Variants in PCDH7 observed in about 807,000 individuals in gnomAD.
The protein encoded by PCDH7 is protocadherin 7, also known as protocadherin-7.
In PCDH7, 17 loss-of-function variants were observed where a neutral mutation model predicts 58.9. The observed-to-expected ratio is 0.29, with a 90% confidence interval of 0.20 to 0.43. The LOEUF is 0.43. PCDH7 is among the 20% of genes least tolerant of loss of function. The pLI, the probability that PCDH7 is intolerant of heterozygous loss-of-function variation, is 1.00. For synonymous variants in PCDH7, 664 were observed against 616.4 expected, an observed-to-expected ratio of 1.08 and a Z score of -1.14; for missense variants, 1,274 against 1,441.0, an observed-to-expected ratio of 0.88 and a Z score of 1.88.
At chr4:30,965,638 C>G (rs914757694) in intron 3 of PCDH7, among the ~76,000 whole-genome samples, 1 of 151,932 alleles carries the variant, frequency 6.6e-6, no homozygotes, top group African/African-American at 2.4e-5. Context: ...GTTGAATCTT[C>G]CAGTGCAAAT....
rs548387653 is a variant in PCDH7 at position 30,759,352 on chromosome 4, T to A, written c.70+34756T>A. On this transcript the variant is annotated intron_variant, in intron 1 of 3. Coordinates refer to the PCDH7 transcript ENST00000509759. ...TCTGTCCGAATTTCTTGTTGCAATT[T>A]CATAGTTACTTTGAGCTCTACACTT... Among the ~76,000 whole-genome samples, 3 of 151,804 alleles carry A rather than the reference T, an allele frequency of 2.0e-5. No homozygotes were observed. The South Asian group carries it at 6.3e-4, about 32-fold the overall frequency.
chr4:30,753,293 A>G (rs906616260), intron 1 of PCDH7, among the ~76,000 whole-genome samples: 6 of 152,284 alleles, frequency 3.9e-5, no homozygotes, highest in Middle Eastern at 3.4e-3. Flanking sequence ...AACCTTTACT[A>G]CTTTCTCTGT....
intron 3 of PCDH7, among the ~76,000 whole-genome samples, chr4:31,072,432 G>A (rs1344962642): frequency 6.6e-6 from 1 of 152,056 alleles, no homozygotes; most frequent in African/African-American, 2.4e-5. Flanking sequence ...CAAACATAAT[G>A]TGGAAAGAGA....
intron 1 of PCDH7, among the ~76,000 whole-genome samples, chr4:30,783,844 AG>A (rs2109291806): frequency 6.6e-6 from 1 of 152,274 alleles, no homozygotes; most frequent in East Asian, 1.9e-4. Context: ...AGCTTAATTT[AG>A]CCTCTGGGGT....
At chr4:30,772,683 C>T (rs1371423200) in intron 1 of PCDH7, among the ~76,000 whole-genome samples, 2 of 152,140 alleles carry the variant, frequency 1.3e-5, no homozygotes, top group African/African-American at 4.8e-5. Flanking sequence ...TCTCAAGGAG[C>T]TATGGATAGG....
intron 3 of PCDH7, among the ~76,000 whole-genome samples, chr4:31,024,890 G>A (rs12511624): frequency 0.1 from 15,773 of 151,982 alleles, 2,185 homozygotes; most frequent in African/African-American, 0.32. Context: ...CTACAGGCAC[G>A]CACCACCATG....
intron 3 of PCDH7, among the ~76,000 whole-genome samples, chr4:30,971,697 G>C (rs1749603819): frequency 6.6e-6 from 1 of 152,138 alleles, no homozygotes; most frequent in Non-Finnish European, 1.5e-5. Context: ...TTTGAGGATG[G>C]ACTAGAAGTA....
At chr4:30,870,487 A>T (rs1223711620) in intron 1 of PCDH7, among the ~76,000 whole-genome samples, 1 of 152,168 alleles carries the variant, frequency 6.6e-6, no homozygotes, top group Non-Finnish European at 1.5e-5. Flanking sequence ...AAAGAAGTTT[A>T]AAACTAGAAT....
chr4:31,097,042 T>C (rs1216047318), intron 3 of PCDH7, among the ~76,000 whole-genome samples: 1 of 152,086 alleles, frequency 6.6e-6, no homozygotes, highest in East Asian at 1.9e-4. Context: ...TATATCACTA[T>C]TATGTAATTT....
At chr4:30,819,209 A>C (rs578068950) in intron 1 of PCDH7, among the ~76,000 whole-genome samples, 25 of 152,272 alleles carry the variant, frequency 1.6e-4, no homozygotes, top group Non-Finnish European at 3.4e-4. Flanking sequence ...CAGTGTAAAC[A>C]GTGTCTTTTA....
chr4:30,780,156 G>A (rs533470560), intron 1 of PCDH7, among the ~76,000 whole-genome samples: 278 of 152,268 alleles, frequency 1.8e-3, no homozygotes, highest in Non-Finnish European at 2.5e-3. Context: ...TAGTGGTATG[G>A]TCTATTTGTA....
chr4:30,848,921 C>T (rs1732349599), intron 1 of PCDH7, among the ~76,000 whole-genome samples: 1 of 152,022 alleles, frequency 6.6e-6, no homozygotes, highest in Non-Finnish European at 1.5e-5. Flanking sequence ...ATTCTTATTA[C>T]TAATTATAAA....
At chr4:31,108,260 G>C (rs533404021) in intron 3 of PCDH7, among the ~76,000 whole-genome samples, 2 of 150,226 alleles carry the variant, frequency 1.3e-5, no homozygotes, top group African/African-American at 4.9e-5. Flanking sequence ...GTGTAATAAA[G>C]ACCACTGAAA....
chr4:30,914,069 A>G (rs1426016539), intron 1 of PCDH7, among the ~76,000 whole-genome samples: 2 of 152,186 alleles, frequency 1.3e-5, no homozygotes, highest in African/African-American at 4.8e-5. Flanking sequence ...ACAGCAGAAG[A>G]GCAAGCATGG....
intron 1 of PCDH7, among the ~76,000 whole-genome samples, chr4:30,855,652 C>G (rs557467513): frequency 6.6e-6 from 1 of 152,236 alleles, no homozygotes; most frequent in South Asian, 2.1e-4. Context: ...AGAGGATGAT[C>G]TTTTGCTCTG....
intron 1 of PCDH7, chr4:30,725,232 C>A (rs370886468): frequency 2.7e-5 from 27 of 986,972 alleles, no homozygotes; most frequent in Non-Finnish European, 3.2e-5. Context: ...ATAATCGATA[C>A]CTATAACAAT....
At chr4:30,752,663 G>A (rs1359492582) in intron 1 of PCDH7, among the ~76,000 whole-genome samples, 1 of 128,760 alleles carries the variant, frequency 7.8e-6, no homozygotes, top group African/African-American at 2.9e-5. Context: ...TTTATAAATT[G>A]TTTTCTTTCA....
intron 2 of PCDH7, among the ~76,000 whole-genome samples, chr4:30,937,374 A>G (rs1360110634): frequency 1.3e-5 from 2 of 152,210 alleles, no homozygotes; most frequent in Non-Finnish European, 2.9e-5. Context: ...TTTTTATAAT[A>G]TGTGATTCAA....
chr4:31,072,268 T>C (rs1339342589), intron 3 of PCDH7, among the ~76,000 whole-genome samples: 1 of 152,136 alleles, frequency 6.6e-6, no homozygotes, highest in East Asian at 1.9e-4. Context: ...AGTCATTCTG[T>C]TGAGCACTGC....
Sources: allele counts gnomAD v4.1 joint callset (sites outside exome capture counted in the v4.1 genomes callset), GRCh38; gene constraint gnomAD v4.1.1; transcripts MANE v1.5; gene names NCBI Gene and HGNC (gene_info 2026-07-23, HGNC 2026-07-21).